Variants in STAT5A observed in about 807,000 individuals in gnomAD.
STAT5A encodes epididymis secretory sperm binding protein.
STAT5A carries 26 observed loss-of-function variants against 100.2 expected under a neutral mutation model. The ratio of observed to expected loss-of-function variants is 0.26; its 90% CI spans 0.19 to 0.36. The LOEUF is 0.36. Ranked by LOEUF, STAT5A falls within the 10% of genes least tolerant of loss-of-function variation. STAT5A has a pLI of 1.00. For synonymous variants in STAT5A, 330 were observed against 424.3 expected (o/e 0.78, Z 2.73); for missense variants, 634 against 1,027.5 (o/e 0.62, Z 5.24).
At position 42,295,844 on chromosome 17, in the gene STAT5A, T is replaced by G. The variant is rs373526046; in HGVS notation, c.550+51T>G. 11 of 1,595,840 alleles carry G rather than the reference T, an allele frequency of 6.9e-6. No individual in the cohort carries two copies. In the African/African-American group the frequency reaches 1.1e-4, roughly 16 times the overall value. ...ATCCGGAGGGTGGGAGTGAGGAACA[T>G]TCTATGGACTCCTAGAGGGTAGAGC... is the stretch of plus-strand genomic sequence containing the variant. On this transcript the variant is annotated intron_variant, in intron 5 of 18. Transcript: ENST00000590949.
intron 5 of STAT5A, among the ~76,000 whole-genome samples, 193 bp from the exon 6 acceptor site, chr17:42,299,558 G>T (rs1380877996): frequency 6.6e-6 from 1 of 152,210 alleles, no homozygotes; most frequent in Non-Finnish European, 1.5e-5. Context: ...CAGGAGGCTG[G>T]TGAGCAGGGC....
chr17:42,300,378 C>A, intron 7 of STAT5A, 97 bp downstream of exon 7: 1 of 1,452,054 alleles, frequency 6.9e-7, no homozygotes, highest in South Asian at 1.4e-5. Context: ...CAGGCCCCCT[C>A]CATCCTGGGA....
Position 42,289,920 on chromosome 17 carries a change from G to A in STAT5A, c.183G>A (p.Leu61=), listed in dbSNP as rs150963584. The stretch of plus-strand genomic sequence containing the variant: ...ACAGAGCCCAAGCCACCCAGCTCCT[G>A]GAGGGCCTGGTGCAGGAGCTGCAGA... ...PQDRAQATQL[L]EGLVQELQKK... The change falls in exon 3 of 19, where the codon CTG becomes CTA. Residue 61 remains leucine (L), a synonymous_variant. Transcript: ENST00000590949. 3 of 1,600,896 alleles carry A rather than the reference G, an allele frequency of 1.9e-6. No homozygotes were observed. Among genetic ancestry groups the A allele is most frequent in the South Asian group, 2.3e-5 (2 of 88,754 alleles).
At chr17:42,292,173 G>A (rs1472677491) in intron 4 of STAT5A, 112 bp downstream of exon 4, 3 of 1,323,970 alleles carry the variant, frequency 2.3e-6, no homozygotes, top group Admixed American at 2.0e-5. Flanking sequence ...GCACCAAGAA[G>A]ATGAGGGACG....
At chr17:42,289,146 G>A (rs116537597) in intron 1 of STAT5A, 3,970 of 379,208 alleles carry the variant, frequency 0.01, 154 homozygotes, top group African/African-American at 0.077. Context: ...CCGGTGGGGC[G>A]AGGGGAGAGG....
In STAT5A at chr17:42,304,104, G is replaced by T. The variant is rs542951586; in HGVS notation, c.1170-238G>T. 1 of 533,144 alleles carries T rather than the reference G, an allele frequency of 1.9e-6. No individual in the cohort carries two copies. Among genetic ancestry groups the T allele is most frequent in the Non-Finnish European group, 3.4e-6 (1 of 296,724 alleles). The allele number at this position is 533,144 out of a possible 1,614,324, so 33.0% of individuals were successfully genotyped here. On this transcript the variant is annotated intron_variant, in intron 9 of 18. Coordinates refer to ENST00000590949, the MANE Select transcript of STAT5A (RefSeq NM_001288718.2). This position sits in a 1 kb window ranked among gnomAD's most constrained non-coding sequence, Gnocchi z 4.8. The stretch of plus-strand genomic sequence containing the variant: ...AAGCCCTCACATCAATCTTGGTATC[G>T]AGGAATTTCTAATGATAGATCCAGA...
chr17:42,292,895 T>C (rs1459121969), intron 4 of STAT5A, among the ~76,000 whole-genome samples: 1 of 152,208 alleles, frequency 6.6e-6, no homozygotes, highest in Non-Finnish European at 1.5e-5. Context: ...CCCAAAGTGT[T>C]GGGATTACAG....
In STAT5A at chr17:42,307,509, G is replaced by C; in HGVS notation, c.1775+13G>C. ...ACTGGAATGATGGGTAAGGAACGGG[G>C]GCTGCAGGGTCAGGGGCCAGCTGTG... On this transcript the variant is annotated intron_variant, in intron 14 of 18. Coordinates refer to ENST00000590949, the MANE Select transcript of STAT5A (RefSeq NM_001288718.2). 6.2e-7 allele frequency: 1 copy of C among 1,614,096 alleles called. No homozygotes were observed. The highest frequency in any genetic ancestry group is 1.7e-5 in the Admixed American group (1 of 60,008).
intron 3 of STAT5A, among the ~76,000 whole-genome samples, chr17:42,290,443 A>C (rs1267754561): frequency 1.3e-5 from 2 of 152,236 alleles, no homozygotes. Context: ...TTGAGGGTTT[A>C]GAAATAAGAT....
intron 3 of STAT5A, 187 bp downstream of exon 3, chr17:42,290,209 C>CT: frequency 1.2e-6 from 1 of 844,162 alleles, no homozygotes; most frequent in Non-Finnish European, 1.7e-6. Context: ...TAGCATATTG[C>CT]AAAGCAAGGG....
At position 42,289,946 on chromosome 17, in the gene STAT5A, A is replaced by G; in HGVS notation, c.209A>G (p.Lys70Arg). ...LLEGLVQELQ[K>R]KAEHQVGEDG... is the part of the protein sequence containing the mutation. ...GAGGGCCTGGTGCAGGAGCTGCAGA[A>G]GAAGGCGGAGCACCAGGTGGGGGAA... Residue 70 changes from lysine to arginine, a missense_variant, in exon 3 of 19, where the codon AAG becomes AGG. By Grantham distance (26) the Lys-to-Arg change is conservative. Around this residue, in one of 5 missense-constraint regions of STAT5A, gnomAD observed 207 missense variants for 256.6 expected, o/e 0.81. Transcript: ENST00000590949. The G allele has an allele frequency of 6.2e-7, 1 of 1,608,674 alleles. No individual in the cohort carries two copies. The highest frequency in any genetic ancestry group is 8.5e-7 in the Non-Finnish European group (1 of 1,177,744).
rs2080835351 is a variant in STAT5A, at chr17:42,288,533, C to G, written c.-76C>G. On this transcript the variant is annotated 5_prime_UTR_variant, in exon 1 of 19. Coordinates refer to ENST00000590949, the MANE Select transcript of STAT5A (RefSeq NM_001288718.2). This position sits in a 1 kb window ranked among gnomAD's most constrained non-coding sequence, Gnocchi z 4.8. ...GCCGCTGCCGCCGCCGCCAGGAACC[C>G]CGGCCGGGAGCGAGAGCCGCGGGGC... 1 of 153,284 alleles carries G rather than the reference C, an allele frequency of 6.5e-6. No individual in the cohort carries two copies. The highest frequency in any genetic ancestry group is 6.6e-5 in the Admixed American group (1 of 15,266). The allele number at this position is 153,284 out of a possible 1,614,324, so 9.5% of individuals were successfully genotyped here.
intron 4 of STAT5A, among the ~76,000 whole-genome samples, chr17:42,294,675 G>A (rs1178123516): frequency 6.6e-6 from 1 of 152,234 alleles, no homozygotes; most frequent in Non-Finnish European, 1.5e-5. Context: ...ATAAGTGCAA[G>A]GGCCCCAGGG....
chr17:42,304,311 T>C lies in STAT5A; in HGVS notation c.1170-31T>C. On this transcript the variant is annotated intron_variant, in intron 9 of 18. Coordinates refer to ENST00000590949, the MANE Select transcript of STAT5A (RefSeq NM_001288718.2). The surrounding 1 kb of genome is among the most constrained non-coding windows in gnomAD (Gnocchi z 4.8). ...GACCATGCTCCTGGCCTGGGGCCCA[T>C]GTGGAGCTGGGACCCCCCTCTCCTT... is the stretch of plus-strand genomic sequence containing the variant. 6.2e-7 allele frequency: 1 copy of C among 1,608,216 alleles called. No homozygotes were observed. Among genetic ancestry groups the C allele is most frequent in the Non-Finnish European group, 8.5e-7 (1 of 1,175,248 alleles).
At position 42,291,993 on chromosome 17, in the gene STAT5A, C is replaced by G. The variant is rs1362732050; in HGVS notation, c.307C>G (p.Leu103Val). ...QLQKTYDRCP[L>V]ELVRCIRHIL... ...TCAGAAAACATATGACCGCTGCCCC[C>G]TGGAGCTGGTCCGCTGCATCCGGCA... The change falls in exon 4 of 19, where the codon CTG (leucine) becomes GTG (valine). Residue 103 changes from leucine (L) to valine (V), a missense_variant. This residue lies in a region of STAT5A where 207 missense variants were observed against 256.6 expected (regional missense o/e 0.81). Transcript: ENST00000590949. 1 of 1,613,978 alleles carries G rather than the reference C, an allele frequency of 6.2e-7. No individual in the cohort carries two copies. The highest frequency in any genetic ancestry group is 8.5e-7 in the Non-Finnish European group (1 of 1,179,906).
upstream of STAT5A, chr17:42,288,078 C>T (rs2080829973): frequency 6.6e-6 from 1 of 152,192 alleles, no homozygotes; most frequent in African/African-American, 2.4e-5. The surrounding 1 kb of genome is among the most constrained non-coding windows in gnomAD (Gnocchi z 4.8). Flanking sequence ...TGACACGCGC[C>T]AGAGCTGGAA....
At chr17:42,295,094 GT>G (rs2080906209) in intron 4 of STAT5A, among the ~76,000 whole-genome samples, 1 of 152,172 alleles carries the variant, frequency 6.6e-6, no homozygotes, top group African/African-American at 2.4e-5. Flanking sequence ...CAGGATGCCT[GT>G]GAGAGTTTCG....
rs748012503 is a variant in STAT5A, at chr17:42,304,264, C to A, written c.1170-78C>A. The A allele has an allele frequency of 2.1e-5, 30 of 1,435,500 alleles. No homozygotes were observed. Among genetic ancestry groups the A allele is most frequent in the Non-Finnish European group, 2.9e-5 (30 of 1,025,804 alleles). 88.9% of individuals were successfully genotyped at this position (1,435,500 alleles called of 1,614,324 possible). On this transcript the variant is annotated intron_variant, in intron 9 of 18. Transcript: ENST00000590949. The surrounding 1 kb of genome is among the most constrained non-coding windows in gnomAD (Gnocchi z 4.8). ...CTGGCAGGGCTGACCTGAGCGAAGA[C>A]CCCAGCCCGAGGTGTGGACAGGACC...
At chr17:42,303,022 C>T (rs933883868) in intron 9 of STAT5A, among the ~76,000 whole-genome samples, 2 of 145,838 alleles carry the variant, frequency 1.4e-5, no homozygotes, top group Admixed American at 6.8e-5. Flanking sequence ...CCCAAGCGGG[C>T]GGATCATGAG....
Sources: gnomAD v4.1 joint callset for allele counts (sites outside exome capture counted in the v4.1 genomes callset) on GRCh38, gnomAD v4.1.1 for gene constraint, gnomAD v4.1.1 regional missense constraint, Gnocchi (gnomAD v3.1) non-coding constraint, MANE v1.5 for transcripts, NCBI Gene and HGNC (gene_info 2026-07-23, HGNC 2026-07-21) for gene names.